The following ADGRL2 variants were observed in gnomAD, a reference collection of about 807,000 sequenced individuals.
The protein encoded by ADGRL2 is adhesion G protein-coupled receptor L2.
ADGRL2 carries 44 observed loss-of-function variants against 157.4 expected under a neutral mutation model. That is an observed-to-expected ratio of 0.28 (90% confidence interval 0.22 to 0.36). The LOEUF is 0.36. Ranked by LOEUF, ADGRL2 falls within the 10% of genes least tolerant of loss-of-function variation. The probability of loss-of-function intolerance (pLI) is 1.00; values close to 1 mark genes in which losing one functional copy is unlikely to be tolerated. For missense variants in ADGRL2, 1,510 were observed against 1,768.9 expected (o/e 0.85, Z 2.63); for synonymous variants, 585 against 624.7 (o/e 0.94, Z 0.95).
At chr1:81,664,778 A>G (rs1227606491) in intron 3 of ADGRL2, among the ~76,000 whole-genome samples, 1 of 152,204 alleles carries the variant, frequency 6.6e-6, no homozygotes, top group Non-Finnish European at 1.5e-5. Flanking sequence ...CTATAGTCCT[A>G]GGATATATCT....
intron 3 of ADGRL2, among the ~76,000 whole-genome samples, chr1:81,617,539 G>A (rs1453933792): frequency 6.6e-6 from 1 of 152,198 alleles, no homozygotes; most frequent in Non-Finnish European, 1.5e-5. Flanking sequence ...TTTGGTAATA[G>A]TCTTAGTTTT....
intron 23 of ADGRL2, chr1:81,989,880 T>C (rs1411695539): frequency 1.1e-5 from 11 of 985,308 alleles, no homozygotes; most frequent in African/African-American, 1.7e-5. Flanking sequence ...TAGAATGTTG[T>C]TTAAAAAGTT....
intron 1 of ADGRL2, among the ~76,000 whole-genome samples, chr1:81,818,250 C>CA (rs1227770487): frequency 2.0e-5 from 3 of 152,090 alleles, no homozygotes; most frequent in African/African-American, 7.2e-5. Context: ...TATGTGGGTA[C>CA]AATCTCTTGA....
rs1305947436 is a variant in ADGRL2, at chr1:81,652,865, A to G, written c.-143+71885A>G. ...TGGACATCCTTGAATAATATGGCTTAGTTTTGCCAGTTTTGAATGTTTTAA... is the reference window on the plus strand; with the variant it reads ...TGGACATCCTTGAATAATATGGCTTGGTTTTGCCAGTTTTGAATGTTTTAA... On this transcript the variant is annotated intron_variant, in intron 3 of 24. Coordinates refer to the ADGRL2 transcript ENST00000370721. Among the ~76,000 whole-genome samples the G allele has an allele frequency of 7.2e-5, 11 of 152,156 alleles. 1 individual carries two copies. The highest frequency in any genetic ancestry group is 1.5e-5 in the Non-Finnish European group (1 of 68,026).
intron 1 of ADGRL2, among the ~76,000 whole-genome samples, chr1:81,746,898 A>G (rs938588121): frequency 6.6e-6 from 1 of 150,456 alleles, no homozygotes; most frequent in Non-Finnish European, 1.5e-5. Context: ...GTATACACGT[A>G]TATACACACG....
intron 3 of ADGRL2, among the ~76,000 whole-genome samples, chr1:81,616,746 G>T (rs571770283): frequency 7.2e-6 from 1 of 139,836 alleles, no homozygotes; most frequent in South Asian, 2.2e-4. Flanking sequence ...GCACAATCTC[G>T]GCTCACTGTA....
At chr1:81,878,389 G>A (rs1306815996) in intron 2 of ADGRL2, among the ~76,000 whole-genome samples, 1 of 152,126 alleles carries the variant, frequency 6.6e-6, no homozygotes, top group Admixed American at 6.6e-5. Flanking sequence ...GTAGATTTCA[G>A]AAGATTTATT....
At chr1:81,603,413 A>G (rs2081372907) in intron 3 of ADGRL2, among the ~76,000 whole-genome samples, 1 of 152,228 alleles carries the variant, frequency 6.6e-6, no homozygotes, top group African/African-American at 2.4e-5. Flanking sequence ...ATAATTACTT[A>G]TCTTCCAGAA....
chr1:81,364,071 T>C (rs1310207165), intron 1 of ADGRL2, among the ~76,000 whole-genome samples: 1 of 152,134 alleles, frequency 6.6e-6, no homozygotes, highest in Non-Finnish European at 1.5e-5. Flanking sequence ...TAGTAAAGGA[T>C]TTAAGTCATT....
chr1:81,793,737 TC>T (rs1216057562), intron 2 of ADGRL2, among the ~76,000 whole-genome samples: 3 of 152,102 alleles, frequency 2.0e-5, no homozygotes, highest in African/African-American at 7.2e-5. Context: ...TCATCTCAAA[TC>T]TACACCTGCA....
At chr1:81,503,415 T>A in intron 2 of ADGRL2, 1 of 1,613,782 alleles carries the variant, frequency 6.2e-7, no homozygotes, top group African/African-American at 1.3e-5. Flanking sequence ...CACCAAGTCC[T>A]ACCTCATCCC....
intron 3 of ADGRL2, among the ~76,000 whole-genome samples, chr1:81,686,438 A>C (rs1054350278): frequency 2.0e-5 from 3 of 152,194 alleles, no homozygotes; most frequent in Non-Finnish European, 2.9e-5. Flanking sequence ...TGTTCATAGT[A>C]GCCTTGAATG....
At chr1:81,400,329 G>A (rs1017404175) in intron 1 of ADGRL2, among the ~76,000 whole-genome samples, 45 of 152,078 alleles carry the variant, frequency 3.0e-4, no homozygotes, top group African/African-American at 1.0e-3. Context: ...GGTAGCACCT[G>A]GACTTTGGGA....
At chr1:81,599,894 A>G (rs1033650998) in intron 3 of ADGRL2, among the ~76,000 whole-genome samples, 1 of 152,250 alleles carries the variant, frequency 6.6e-6, no homozygotes, top group Admixed American at 6.5e-5. Flanking sequence ...TTGAGACTCC[A>G]TATGAAAAAT....
At chr1:81,971,649 C>T (rs1658779274) in intron 16 of ADGRL2, among the ~76,000 whole-genome samples, 1 of 148,750 alleles carries the variant, frequency 6.7e-6, no homozygotes, top group South Asian at 2.2e-4. Flanking sequence ...AATATAAAAC[C>T]AGCAGTTTGA....
chr1:81,483,318 G>T (rs1043813592), intron 2 of ADGRL2, among the ~76,000 whole-genome samples: 1 of 152,148 alleles, frequency 6.6e-6, no homozygotes, highest in Non-Finnish European at 1.5e-5. Flanking sequence ...GAAGATAAGA[G>T]AGATGAACTA....
chr1:81,626,708 G>T (rs992499775), intron 3 of ADGRL2, among the ~76,000 whole-genome samples: 1 of 152,252 alleles, frequency 6.6e-6, no homozygotes, highest in Admixed American at 6.5e-5. Context: ...GGCGGTGGAT[G>T]TGGGAGACAC....
At chr1:81,404,684 T>A (rs2076822074) in intron 1 of ADGRL2, among the ~76,000 whole-genome samples, 1 of 152,214 alleles carries the variant, frequency 6.6e-6, no homozygotes, top group African/African-American at 2.4e-5. Context: ...TTAATCCATA[T>A]TCAGGTGAAT....
chr1:81,704,150 A>G (rs2083659187), intron 1 of ADGRL2, among the ~76,000 whole-genome samples: 1 of 152,230 alleles, frequency 6.6e-6, no homozygotes, highest in South Asian at 2.1e-4. Flanking sequence ...CTGTTGGCTC[A>G]TACCACCTGG....
Sources: gnomAD v4.1 joint callset for allele counts (sites outside exome capture counted in the v4.1 genomes callset) on GRCh38, gnomAD v4.1.1 for gene constraint, MANE v1.5 for transcripts, NCBI Gene and HGNC (gene_info 2026-07-23, HGNC 2026-07-21) for gene names.